UNC5D: variants seen among roughly 807,000 people sequenced by gnomAD.
UNC5D encodes netrin receptor UNC5D.
In UNC5D, 39 loss-of-function variants were observed where a neutral mutation model predicts 105.4. The observed-to-expected ratio is 0.37, with a 90% confidence interval of 0.29 to 0.48. The LOEUF is 0.48. UNC5D is among the 20% of genes least tolerant of loss of function. The probability of loss-of-function intolerance (pLI) is 0.98; values close to 1 mark genes in which losing one functional copy is unlikely to be tolerated. For synonymous variants in UNC5D, 452 were observed against 450.4 expected (o/e 1.00, Z -0.04); for missense variants, 991 against 1,202.4 (o/e 0.82, Z 2.60).
chr8:35,533,851 ACT>A (rs1279342456), intron 1 of UNC5D, among the ~76,000 whole-genome samples: 1 of 151,240 alleles, frequency 6.6e-6, no homozygotes, highest in Non-Finnish European at 1.5e-5. Flanking sequence ...CGCAAAGGGG[ACT>A]CCCTGACCCC....
chr8:35,308,463 C>T (rs1808611568), intron 1 of UNC5D, among the ~76,000 whole-genome samples: 1 of 152,080 alleles, frequency 6.6e-6, no homozygotes, highest in Non-Finnish European at 1.5e-5. Context: ...CCCTATTACA[C>T]TTCTCCTGTC....
intron 7 of UNC5D, 96 bp from the exon 8 acceptor site, chr8:35,705,833 A>G: frequency 1.5e-6 from 1 of 683,904 alleles, no homozygotes; most frequent in East Asian, 3.6e-5. Context: ...AAAATGTTTT[A>G]TTTATAGAGG....
Position 35,794,597 on chromosome 8 carries a change from T to C in UNC5D, c.*4034T>C, listed in dbSNP as rs1324231709. 1.3e-5 allele frequency: 2 copies of C among 152,628 alleles called. No homozygotes were observed. The highest frequency in any genetic ancestry group is 6.5e-5 in the Admixed American group (1 of 15,272). The allele number at this position is 152,628 out of a possible 1,614,324, so 9.5% of individuals were successfully genotyped here. On this transcript the variant is annotated 3_prime_UTR_variant, in exon 17 of 17. Coordinates refer to ENST00000404895, the MANE Select transcript of UNC5D (RefSeq NM_080872.4). ...TTCCACTGTTTTGTCTGCATAGAATTTTCCTGAACTACAAGCAAAAATGTA... is the reference window on the plus strand; with the variant it reads ...TTCCACTGTTTTGTCTGCATAGAATCTTCCTGAACTACAAGCAAAAATGTA...
chr8:35,495,852 T>C (rs1439149), intron 1 of UNC5D, among the ~76,000 whole-genome samples: 25,970 of 152,138 alleles, frequency 0.17, 2,987 homozygotes, highest in African/African-American at 0.29. Flanking sequence ...TAACCACTAC[T>C]AATAGAAGTT....
chr8:35,275,793 C>A (rs1235776827), intron 1 of UNC5D, among the ~76,000 whole-genome samples: 1 of 152,164 alleles, frequency 6.6e-6, no homozygotes, highest in Non-Finnish European at 1.5e-5. Context: ...TTGCCTTTAA[C>A]TTCAGTTTTG....
At chr8:35,551,816 A>T (rs939635244) in intron 2 of UNC5D, among the ~76,000 whole-genome samples, 2 of 110,928 alleles carry the variant, frequency 1.8e-5, no homozygotes, top group Non-Finnish European at 3.7e-5. Context: ...GACTCCGTCT[A>T]AAAAAAAAAA....
chr8:35,710,961 C>T (rs1217227473), intron 8 of UNC5D, among the ~76,000 whole-genome samples: 38 of 94,200 alleles, frequency 4.0e-4, no homozygotes, highest in African/African-American at 5.6e-4. Flanking sequence ...TTTTTTGAGA[C>T]GGAGTCTCGC....
chr8:35,304,192 C>T (rs1174293182), intron 1 of UNC5D, among the ~76,000 whole-genome samples: 1 of 151,924 alleles, frequency 6.6e-6, no homozygotes, highest in African/African-American at 2.4e-5. Flanking sequence ...TTCTAAACCC[C>T]ACAAACACAC....
In UNC5D at chr8:35,475,540, A is replaced by G. The variant is rs114948308; in HGVS notation, c.104-73752A>G. Among the ~76,000 whole-genome samples the G allele has an allele frequency of 9.9e-3, 1,514 of 152,234 alleles. 32 individuals carry two copies. Among genetic ancestry groups the G allele is most frequent in the African/African-American group, 0.034 (1,416 of 41,542 alleles). ...CTGTAGTCTTTCCCAGGGATTTCCC[A>G]AAGGAACCCAACTATAGCTGTTTTT... On this transcript the variant is annotated intron_variant, in intron 1 of 16. Transcript: ENST00000404895.
intron 15 of UNC5D, among the ~76,000 whole-genome samples, chr8:35,772,224 T>C (rs951595165): frequency 2.0e-5 from 3 of 152,186 alleles, no homozygotes; most frequent in African/African-American, 7.2e-5. Flanking sequence ...TGCCATTTCT[T>C]GGAATCTCTT....
chr8:35,539,981 T>C lies in UNC5D; in HGVS notation c.104-9311T>C, dbSNP rs572399361. Among the ~76,000 whole-genome samples the C allele has an allele frequency of 5.3e-5, 8 of 152,226 alleles. 1 individual carries two copies. The highest frequency in any genetic ancestry group is 1.2e-4 in the Non-Finnish European group (8 of 68,036). On this transcript the variant is annotated intron_variant, in intron 1 of 16. Transcript: ENST00000404895. Reference sequence around the variant, plus strand: ...TTTCCAAGAGTGAAAAATATGAGAATGGTGTTTGATTGTTTGGTTTTCTGT... The same window carrying C: ...TTTCCAAGAGTGAAAAATATGAGAACGGTGTTTGATTGTTTGGTTTTCTGT...
chr8:35,549,952 CTTTT>C (rs5890821), intron 2 of UNC5D, among the ~76,000 whole-genome samples: 1 of 125,574 alleles, frequency 8.0e-6, no homozygotes. Flanking sequence ...TTTCTGAGTC[CTTTT>C]TTTTTTTTTT....
chr8:35,525,851 C>A, intron 1 of UNC5D: 2 of 1,307,374 alleles, frequency 1.5e-6, no homozygotes, highest in South Asian at 3.1e-5. Flanking sequence ...GGCATTTAGT[C>A]ATAGTAAAAT....
intron 1 of UNC5D, among the ~76,000 whole-genome samples, chr8:35,340,058 A>G (rs912114507): frequency 1.5e-4 from 23 of 152,198 alleles, no homozygotes; most frequent in African/African-American, 5.5e-4. Flanking sequence ...TCACTGCTCT[A>G]AAATTATCCT....
intron 1 of UNC5D, among the ~76,000 whole-genome samples, chr8:35,265,868 CATA>C (rs3991303): frequency 0.088 from 12,571 of 142,312 alleles, 654 homozygotes; most frequent in Middle Eastern, 0.16. Context: ...AGACTCGTCT[CATA>C]ATAATAATAA....
intron 4 of UNC5D, among the ~76,000 whole-genome samples, chr8:35,630,344 C>G (rs1821961757): frequency 6.6e-6 from 1 of 152,150 alleles, no homozygotes. Context: ...GGATTATTAG[C>G]CACTCATTTG....
At chr8:35,274,764 A>G (rs1805654215) in intron 1 of UNC5D, among the ~76,000 whole-genome samples, 1 of 152,224 alleles carries the variant, frequency 6.6e-6, no homozygotes, top group South Asian at 2.1e-4. Flanking sequence ...CCACAACCCA[A>G]GAACATTTTT....
At chr8:35,782,925 G>A (rs1802569058) in intron 16 of UNC5D, among the ~76,000 whole-genome samples, 1 of 152,038 alleles carries the variant, frequency 6.6e-6, no homozygotes. Context: ...CTTGATCTCA[G>A]GGAACTCAAG....
chr8:35,473,927 A>G (rs776197720), intron 1 of UNC5D, among the ~76,000 whole-genome samples: 1 of 152,172 alleles, frequency 6.6e-6, no homozygotes, highest in South Asian at 2.1e-4. Context: ...GTGTCCTCCC[A>G]TGGCAGAAGG....
Sources: gnomAD v4.1 joint callset for allele counts (sites outside exome capture counted in the v4.1 genomes callset) on GRCh38, gnomAD v4.1.1 for gene constraint, MANE v1.5 for transcripts, NCBI Gene and HGNC (gene_info 2026-07-23, HGNC 2026-07-21) for gene names.